The following KIAA1217 variants were observed in gnomAD, a reference collection of about 807,000 sequenced individuals.
KIAA1217 encodes sickle tail protein homolog.
In KIAA1217, 88 loss-of-function variants were observed where a neutral mutation model predicts 163.9. The ratio of observed to expected loss-of-function variants is 0.54; its 90% confidence interval spans 0.45 to 0.64. The LOEUF (loss-of-function observed/expected upper bound fraction) is 0.64, where lower values mean the gene tolerates loss of function less well. Ranked by LOEUF, KIAA1217 falls within the 30% of genes least tolerant of loss-of-function variation. KIAA1217 has a pLI of 0.00. For synonymous variants in KIAA1217, 903 were observed against 923.1 expected, an observed-to-expected ratio of 0.98 and a Z score of 0.39; for missense variants, 2,372 against 2,475.0, an observed-to-expected ratio of 0.96 and a Z score of 0.88.
intron 6 of KIAA1217, among the ~76,000 whole-genome samples, chr10:24,480,981 C>T (rs1402548591): frequency 1.3e-5 from 2 of 152,140 alleles, no homozygotes; most frequent in African/African-American, 4.8e-5. Context: ...TGCATCTGAG[C>T]TATAAGACTG....
At chr10:24,520,321 CAT>C in intron 11 of KIAA1217, 68 bp downstream of exon 11, 1 of 1,582,476 alleles carries the variant, frequency 6.3e-7, no homozygotes, top group East Asian at 2.2e-5. Context: ...AAATCTGCCA[CAT>C]AGAGGATTCA....
At chr10:24,443,875 A>G (rs2060701201) in intron 5 of KIAA1217, among the ~76,000 whole-genome samples, 1 of 152,332 alleles carries the variant, frequency 6.6e-6, no homozygotes, top group Middle Eastern at 3.4e-3. Flanking sequence ...CAAGAAAACA[A>G]AAAGGTGGAA....
At chr10:23,883,180 G>C (rs548830376) in intron 1 of KIAA1217, among the ~76,000 whole-genome samples, 1 of 151,874 alleles carries the variant, frequency 6.6e-6, no homozygotes, top group African/African-American at 2.4e-5. Context: ...TCTTTGAACC[G>C]AGTGAAATTG....
intron 16 of KIAA1217, among the ~76,000 whole-genome samples, chr10:24,536,321 C>A (rs1022908495): frequency 1.3e-5 from 2 of 152,058 alleles, no homozygotes; most frequent in Non-Finnish European, 2.9e-5. Flanking sequence ...GCTAAGAGTA[C>A]TTTTATTGTA....
At chr10:24,117,617 G>A (rs183376551) in intron 2 of KIAA1217, among the ~76,000 whole-genome samples, 28 of 152,174 alleles carry the variant, frequency 1.8e-4, no homozygotes, top group African/African-American at 3.9e-4. Context: ...CCTGGGCAAC[G>A]GAGTGAGATC....
intron 2 of KIAA1217, among the ~76,000 whole-genome samples, chr10:24,126,203 T>C (rs1305174822): frequency 1.3e-5 from 2 of 152,216 alleles, no homozygotes; most frequent in Admixed American, 6.5e-5. Flanking sequence ...CTTAACTTTA[T>C]GCCTATCCTC....
At chr10:24,365,532 T>G (rs1051053953) in intron 2 of KIAA1217, among the ~76,000 whole-genome samples, 1 of 152,166 alleles carries the variant, frequency 6.6e-6, no homozygotes, top group African/African-American at 2.4e-5. Flanking sequence ...TCACAGTTGA[T>G]GAAGCCTGTA....
At chr10:23,817,254 A>C (rs187987228) in intron 1 of KIAA1217, among the ~76,000 whole-genome samples, 3 of 152,220 alleles carry the variant, frequency 2.0e-5, no homozygotes, top group Non-Finnish European at 4.4e-5. Flanking sequence ...CAGTTGCGAC[A>C]GTAGGATAAG....
rs183462587 is a variant in KIAA1217 at position 24,224,878 on chromosome 10, G to A, written c.354+4969G>A. Among the ~76,000 whole-genome samples the A allele has an allele frequency of 5.2e-3, 755 of 144,834 alleles. 10 individuals are homozygous for A. The highest frequency in any genetic ancestry group is 0.018 in the African/African-American group (707 of 38,226). Reference sequence around the variant, plus strand: ...GTCTCACTCTGTCACCCAGGCTGGAGTGCAGTGGCGCAGTCTCGGCTTACT... The same window carrying A: ...GTCTCACTCTGTCACCCAGGCTGGAATGCAGTGGCGCAGTCTCGGCTTACT... On this transcript the variant is annotated intron_variant, in intron 2 of 20. Transcript: ENST00000376454.
chr10:24,203,953 G>A (rs2067407348), upstream of KIAA1217, among the ~76,000 whole-genome samples: 1 of 152,226 alleles, frequency 6.6e-6, no homozygotes, highest in South Asian at 2.1e-4. Flanking sequence ...TGGCCACAGT[G>A]CTGTGCACAC....
chr10:23,759,181 G>T (rs1834110150), intron 1 of KIAA1217, among the ~76,000 whole-genome samples: 3 of 151,986 alleles, frequency 2.0e-5, no homozygotes, highest in Admixed American at 2.0e-4. Flanking sequence ...TGATGCTATT[G>T]TAATGGAGTT....
At chr10:24,254,297 T>C (rs1229950707) in intron 2 of KIAA1217, among the ~76,000 whole-genome samples, 2 of 152,342 alleles carry the variant, frequency 1.3e-5, no homozygotes, top group African/African-American at 4.8e-5. Context: ...GAATGCAACT[T>C]CCTCACTTTA....
At chr10:23,957,253 C>T (rs1844608639) in intron 1 of KIAA1217, among the ~76,000 whole-genome samples, 1 of 152,168 alleles carries the variant, frequency 6.6e-6, no homozygotes, top group Non-Finnish European at 1.5e-5. Flanking sequence ...TCTGGCTTCC[C>T]TGCTCTCCAG....
chr10:23,930,782 G>A (rs766311428), intron 1 of KIAA1217, among the ~76,000 whole-genome samples: 8 of 152,126 alleles, frequency 5.3e-5, no homozygotes, highest in Non-Finnish European at 7.4e-5. Context: ...TTAACTCAGT[G>A]GGAACATGGA....
intron 6 of KIAA1217, among the ~76,000 whole-genome samples, chr10:24,489,225 A>T (rs2065790124): frequency 6.6e-6 from 1 of 151,782 alleles, no homozygotes; most frequent in Admixed American, 6.6e-5. Context: ...CTGGGAACAG[A>T]GTGAGACCTT....
At chr10:23,719,408 C>G (rs933054163) in intron 1 of KIAA1217, among the ~76,000 whole-genome samples, 1 of 152,052 alleles carries the variant, frequency 6.6e-6, no homozygotes, top group Non-Finnish European at 1.5e-5. Flanking sequence ...TAGCGACACG[C>G]TATCTCTACA....
intron 5 of KIAA1217, among the ~76,000 whole-genome samples, chr10:24,458,244 T>C (rs1336968275): frequency 6.6e-6 from 1 of 152,252 alleles, no homozygotes; most frequent in African/African-American, 2.4e-5. Context: ...TTCCAAGCCA[T>C]GCTCCCTGGC....
intron 1 of KIAA1217, among the ~76,000 whole-genome samples, chr10:23,886,223 T>C (rs1314047657): frequency 6.6e-6 from 1 of 151,950 alleles, no homozygotes; most frequent in Non-Finnish European, 1.5e-5. Context: ...AGTAGCCAAG[T>C]GTTCCTCTTA....
chr10:24,134,840 G>A (rs2063777225), intron 2 of KIAA1217, among the ~76,000 whole-genome samples: 1 of 152,118 alleles, frequency 6.6e-6, no homozygotes, highest in Non-Finnish European at 1.5e-5. Flanking sequence ...GCTTCCCAAA[G>A]TTCTGGGATT....
Sources: allele counts gnomAD v4.1 joint callset (sites outside exome capture counted in the v4.1 genomes callset), GRCh38; gene constraint gnomAD v4.1.1; transcripts MANE v1.5; gene names NCBI Gene and HGNC (gene_info 2026-07-23, HGNC 2026-07-21).